Variants in KALRN observed in about 807,000 individuals in gnomAD.
The protein encoded by KALRN is kalirin RhoGEF kinase, also known as kalirin.
KALRN carries 70 observed loss-of-function variants against 353.7 expected under a neutral mutation model. The observed-to-expected ratio is 0.20, with a 90% CI of 0.16 to 0.24. The LOEUF is 0.24. Ranked by LOEUF, KALRN falls within the 10% of genes least tolerant of loss-of-function variation. The pLI, the probability that KALRN is intolerant of heterozygous loss-of-function variation, is 1.00. For synonymous variants in KALRN, 1,391 were observed against 1,434.8 expected (o/e 0.97, Z 0.69); for missense variants, 2,791 against 3,756.7 (o/e 0.74, Z 6.72).
intron 45 of KALRN, among the ~76,000 whole-genome samples, chr3:124,664,364 T>TGCAC (rs769865594): frequency 7.9e-6 from 1 of 127,028 alleles, no homozygotes; most frequent in Non-Finnish European, 1.6e-5. Flanking sequence ...TGTGTGTGTG[T>TGCAC]GTGTGTGCGC....
chr3:124,631,229 C>G (rs1007306114), intron 34 of KALRN, among the ~76,000 whole-genome samples: 6 of 152,182 alleles, frequency 3.9e-5, no homozygotes, highest in Non-Finnish European at 7.3e-5. Context: ...ATACCCATGC[C>G]TCTCGCTGAT....
intron 33 of KALRN, among the ~76,000 whole-genome samples, chr3:124,536,083 T>C (rs1235642385): frequency 6.6e-6 from 1 of 152,118 alleles, no homozygotes; most frequent in African/African-American, 2.4e-5. Flanking sequence ...AAATGTAGTC[T>C]TTTACTGGGT....
chr3:124,077,901 C>A (rs2060340170), intron 1 of KALRN, among the ~76,000 whole-genome samples: 1 of 152,216 alleles, frequency 6.6e-6, no homozygotes, highest in South Asian at 2.1e-4. Context: ...TCAACTGTGA[C>A]ATCATGGGCA....
chr3:124,177,226 G>C (rs757455232), intron 1 of KALRN, among the ~76,000 whole-genome samples: 4 of 152,188 alleles, frequency 2.6e-5, no homozygotes, highest in Non-Finnish European at 5.9e-5. Flanking sequence ...AGAACTCTGC[G>C]TGTGTTGTCT....
At chr3:124,432,956 A>G (rs2093335850) in intron 16 of KALRN, among the ~76,000 whole-genome samples, 1 of 152,230 alleles carries the variant, frequency 6.6e-6, no homozygotes, top group African/African-American at 2.4e-5. Flanking sequence ...GCCTAGAACA[A>G]TGAAGGGAAC....
intron 10 of KALRN, among the ~76,000 whole-genome samples, chr3:124,384,042 T>A (rs1054680300): frequency 1.3e-5 from 2 of 152,192 alleles, no homozygotes; most frequent in African/African-American, 2.4e-5. Context: ...GAGGAAAAGC[T>A]GTATCTGCGG....
At chr3:124,718,608 A>G (rs1285085715) in intron 59 of KALRN, among the ~76,000 whole-genome samples, 1 of 152,206 alleles carries the variant, frequency 6.6e-6, no homozygotes, top group East Asian at 1.9e-4. Flanking sequence ...ATGCTTCTCA[A>G]AAAGAAGCCC....
At chr3:124,700,764 C>G (rs894177242) in intron 56 of KALRN, among the ~76,000 whole-genome samples, 2 of 151,964 alleles carry the variant, frequency 1.3e-5, no homozygotes, top group African/African-American at 2.4e-5. Context: ...CTCGAAAGAC[C>G]ATGGACCTGT....
At chr3:124,520,596 C>T (rs2067084130) in intron 33 of KALRN, among the ~76,000 whole-genome samples, 1 of 152,128 alleles carries the variant, frequency 6.6e-6, no homozygotes, top group African/African-American at 2.4e-5. Context: ...GAAAAATTGC[C>T]TTCCATGAAA....
intron 51 of KALRN, among the ~76,000 whole-genome samples, chr3:124,692,672 A>G (rs2150583233): frequency 6.6e-6 from 1 of 152,372 alleles, no homozygotes; most frequent in South Asian, 2.1e-4. Context: ...ATAGGTATTG[A>G]GTACCTGTTA....
At chr3:124,702,525 A>G (rs1248356688) in intron 57 of KALRN, among the ~76,000 whole-genome samples, 4 of 152,158 alleles carry the variant, frequency 2.6e-5, no homozygotes, top group Non-Finnish European at 5.9e-5. Context: ...AGTTTTTTTA[A>G]AGTATCTTTT....
intron 1 of KALRN, among the ~76,000 whole-genome samples, chr3:124,143,490 C>A (rs1560066701): frequency 6.6e-6 from 1 of 152,150 alleles, no homozygotes; most frequent in African/African-American, 2.4e-5. Context: ...GGATTTGAAT[C>A]CCAGCTCTGC....
At position 124,723,618 on chromosome 3, in the gene KALRN, G is replaced by C. The variant is rs2063384624; in HGVS notation, c.*4148G>C. On this transcript the variant is annotated 3_prime_UTR_variant, in exon 60 of 60. Transcript: ENST00000682506. ...CTCATGAGATTAAATTCTGTAAATT[G>C]TTTTCAGTTGGAAGTATCAGGTGCT... is the stretch of plus-strand genomic sequence containing the variant. The C allele has an allele frequency of 6.6e-6, 1 of 152,134 alleles. No homozygotes were observed. The highest frequency in any genetic ancestry group is 2.4e-5 in the African/African-American group (1 of 41,426). 9.4% of individuals were successfully genotyped at this position (152,134 alleles called of 1,614,324 possible).
chr3:124,562,671 T>A, intron 33 of KALRN, 172 bp from the exon 34 acceptor site: 2 of 445,034 alleles, frequency 4.5e-6, no homozygotes, highest in South Asian at 4.1e-5. Flanking sequence ...CTCCTTTTCA[T>A]CTTCTGCCAT....
At chr3:124,336,966 T>G (rs1301282595) in intron 9 of KALRN, among the ~76,000 whole-genome samples, 13 of 152,184 alleles carry the variant, frequency 8.5e-5, no homozygotes, top group African/African-American at 3.1e-4. Context: ...GCTTGTGATT[T>G]TTGCACATTC....
chr3:124,296,945 C>T (rs900911106), intron 5 of KALRN, among the ~76,000 whole-genome samples: 5 of 152,228 alleles, frequency 3.3e-5, no homozygotes. Context: ...TCTGTGCTCC[C>T]TCAACAGCCA....
At chr3:124,104,910 C>CG (rs948348644) in intron 1 of KALRN, among the ~76,000 whole-genome samples, 1 of 151,968 alleles carries the variant, frequency 6.6e-6, no homozygotes, top group African/African-American at 2.4e-5. Context: ...TGGGCAGAAG[C>CG]ACAAAGTGGG....
intron 33 of KALRN, among the ~76,000 whole-genome samples, chr3:124,536,671 C>T (rs1295188971): frequency 6.6e-6 from 1 of 152,216 alleles, no homozygotes; most frequent in Admixed American, 6.5e-5. Context: ...CTCATAACTC[C>T]TAACTTATTC....
chr3:124,256,811 A>G (rs1336996335), intron 3 of KALRN, among the ~76,000 whole-genome samples: 1 of 152,224 alleles, frequency 6.6e-6, no homozygotes, highest in African/African-American at 2.4e-5. Flanking sequence ...CTGCCAGGTC[A>G]GGTGTACGAC....
Sources: gnomAD v4.1 joint callset for allele counts (sites outside exome capture counted in the v4.1 genomes callset) on GRCh38, gnomAD v4.1.1 for gene constraint, MANE v1.5 for transcripts, NCBI Gene and HGNC (gene_info 2026-07-23, HGNC 2026-07-21) for gene names.